The following CPNE4 variants were observed in gnomAD, a reference collection of about 807,000 sequenced individuals.
CPNE4 encodes copine-4.
Under a neutral mutation model 67.9 loss-of-function variants are expected in CPNE4, and 25 were observed. The observed-to-expected ratio is 0.37, with a 90% confidence interval of 0.27 to 0.51. CPNE4 has a LOEUF of 0.51. Among genes scored for constraint, CPNE4 ranks in the 20% least tolerant of loss-of-function variants. The pLI is 0.93. For synonymous variants in CPNE4, 242 were observed against 244.9 expected (o/e 0.99, Z 0.11); for missense variants, 464 against 690.8 (o/e 0.67, Z 3.68).
intron 1 of CPNE4, among the ~76,000 whole-genome samples, chr3:131,958,665 C>G (rs2072062721): frequency 1.6e-5 from 2 of 122,150 alleles, no homozygotes; most frequent in Non-Finnish European, 3.2e-5. Context: ...TGCACTGTTG[C>G]CCAGGCTGGA....
At chr3:131,686,061 A>T in intron 5 of CPNE4, 103 bp from the exon 6 acceptor site, 1 of 667,756 alleles carries the variant, frequency 1.5e-6, no homozygotes, top group Admixed American at 2.7e-5. Context: ...TTGATTTCCT[A>T]TTTTTTATAT....
intron 2 of CPNE4, among the ~76,000 whole-genome samples, chr3:131,831,408 A>C (rs888996369): frequency 6.6e-6 from 1 of 152,154 alleles, no homozygotes; most frequent in Non-Finnish European, 1.5e-5. Flanking sequence ...ATTAAAATTA[A>C]ATATATCTAA....
intron 2 of CPNE4, among the ~76,000 whole-genome samples, chr3:131,897,078 A>C (rs1469983020): frequency 6.6e-6 from 1 of 152,092 alleles, no homozygotes; most frequent in Non-Finnish European, 1.5e-5. Context: ...GACATTGATG[A>C]AAGGAATAAT....
intron 2 of CPNE4, among the ~76,000 whole-genome samples, chr3:131,804,284 G>C (rs1452447990): frequency 6.6e-6 from 1 of 151,840 alleles, no homozygotes; most frequent in Non-Finnish European, 1.5e-5. Context: ...TATGATTTCA[G>C]ACACAAGAAA....
At chr3:131,933,297 A>G (rs1377279760) in intron 1 of CPNE4, among the ~76,000 whole-genome samples, 1 of 152,180 alleles carries the variant, frequency 6.6e-6, no homozygotes, top group Non-Finnish European at 1.5e-5. Flanking sequence ...AAAATCTTGG[A>G]CTGAAGCAGT....
rs77560177 is a variant in CPNE4, at chr3:131,564,788, T to G, written c.928-439A>C. Among the ~76,000 whole-genome samples, 518 of 152,116 alleles carry G rather than the reference T, an allele frequency of 3.4e-3. 11 individuals carry two copies. The highest frequency in any genetic ancestry group is 0.023 in the East Asian group (119 of 5,146). ...ACCAAATTCTGTGTTAAAGATACAGTCTTCATACCAAAGCCATTGTCATGT... is the reference window on the plus strand; with the variant it reads ...ACCAAATTCTGTGTTAAAGATACAGGCTTCATACCAAAGCCATTGTCATGT... On this transcript the variant is annotated intron_variant, in intron 10 of 15. Coordinates refer to ENST00000429747, the MANE Select transcript of CPNE4 (RefSeq NM_130808.3).
chr3:131,923,398 G>T (rs1023783205), intron 1 of CPNE4, among the ~76,000 whole-genome samples: 1 of 152,146 alleles, frequency 6.6e-6, no homozygotes, highest in African/African-American at 2.4e-5. Context: ...AGAGGCAGGG[G>T]ATGTGCAGAA....
chr3:131,863,242 T>A (rs2107673668), intron 2 of CPNE4, among the ~76,000 whole-genome samples: 1 of 152,274 alleles, frequency 6.6e-6, no homozygotes, highest in South Asian at 2.1e-4. Flanking sequence ...GATGGCTGGG[T>A]CAAATGGTAT....
At chr3:131,716,943 CG>C in intron 3 of CPNE4, among the ~76,000 whole-genome samples, 1 of 152,318 alleles carries the variant, frequency 6.6e-6, no homozygotes, top group Admixed American at 6.5e-5. Context: ...CTGCCCTGCC[CG>C]GGGGTGCCCA....
At chr3:131,837,007 A>G (rs554735553) in intron 2 of CPNE4, among the ~76,000 whole-genome samples, 16 of 152,308 alleles carry the variant, frequency 1.1e-4, no homozygotes, top group African/African-American at 3.8e-4. Flanking sequence ...GAATATGCAA[A>G]TTAAAGCCAC....
At chr3:131,936,768 CT>C in intron 1 of CPNE4, among the ~76,000 whole-genome samples, 1 of 152,064 alleles carries the variant, frequency 6.6e-6, no homozygotes, top group Non-Finnish European at 1.5e-5. Flanking sequence ...TCCCCCTTGT[CT>C]TCTAAGGAAG....
At chr3:131,745,580 G>A (rs1023464613) in intron 2 of CPNE4, among the ~76,000 whole-genome samples, 4 of 151,792 alleles carry the variant, frequency 2.6e-5, no homozygotes, top group Admixed American at 6.6e-5. Context: ...ATTCATTTTG[G>A]GTTATTTTTC....
intron 11 of CPNE4, among the ~76,000 whole-genome samples, chr3:131,562,290 G>A (rs1312383687): frequency 2.0e-5 from 3 of 151,992 alleles, no homozygotes; most frequent in Non-Finnish European, 4.4e-5. Context: ...AAATGGAGAC[G>A]TTCAGCAGCT....
At chr3:131,790,745 A>T (rs1464297147) in intron 2 of CPNE4, among the ~76,000 whole-genome samples, 3 of 152,158 alleles carry the variant, frequency 2.0e-5, no homozygotes, top group African/African-American at 7.2e-5. Context: ...AAATCCTATC[A>T]TTTATTTGAG....
At chr3:131,639,795 A>C (rs1429596477) in intron 7 of CPNE4, among the ~76,000 whole-genome samples, 1 of 152,200 alleles carries the variant, frequency 6.6e-6, no homozygotes, top group Non-Finnish European at 1.5e-5. Context: ...AGCATATCAA[A>C]AAAAGATAAT....
chr3:132,019,684 A>C (rs760293957), intron 1 of CPNE4, among the ~76,000 whole-genome samples: 6 of 152,260 alleles, frequency 3.9e-5, no homozygotes, highest in Non-Finnish European at 8.8e-5. Flanking sequence ...CTTTACTGAA[A>C]TGCAATATTA....
chr3:131,801,501 T>A (rs1232409582), intron 2 of CPNE4, among the ~76,000 whole-genome samples: 1 of 138,270 alleles, frequency 7.2e-6, no homozygotes, highest in Non-Finnish European at 1.5e-5. Flanking sequence ...AAGAGTTGAA[T>A]CTATACGATT....
chr3:131,779,817 AC>A (rs113227646), intron 2 of CPNE4, among the ~76,000 whole-genome samples: 9 of 152,192 alleles, frequency 5.9e-5, no homozygotes, highest in Non-Finnish European at 1.0e-4. Context: ...TCACAAAAAA[AC>A]CCCACAACAA....
intron 2 of CPNE4, among the ~76,000 whole-genome samples, chr3:131,862,524 A>G (rs796483703): frequency 6.6e-5 from 10 of 152,238 alleles, no homozygotes; most frequent in African/African-American, 2.2e-4. Context: ...TTGATCTGTC[A>G]AAAATCCTAA....
Sources: gnomAD v4.1 joint callset for allele counts (sites outside exome capture counted in the v4.1 genomes callset) on GRCh38, gnomAD v4.1.1 for gene constraint, MANE v1.5 for transcripts, NCBI Gene and HGNC (gene_info 2026-07-23, HGNC 2026-07-21) for gene names.